DACH1: variants seen among roughly 807,000 people sequenced by gnomAD.
DACH1 encodes dachshund homolog 1.
A neutral mutation model predicts 54.2 loss-of-function variants in DACH1; 12 were observed. The observed-to-expected ratio is 0.22, with a 90% CI of 0.14 to 0.36. DACH1 has a LOEUF of 0.36. Ranked by LOEUF, DACH1 falls within the 10% of genes least tolerant of loss-of-function variation. DACH1 has a pLI of 1.00. For missense variants in DACH1, 805 were observed against 929.8 expected, an observed-to-expected ratio of 0.87 and a Z score of 1.75; for synonymous variants, 386 against 366.2, an observed-to-expected ratio of 1.05 and a Z score of -0.62.
At chr13:71,837,226 G>A (rs541183597) in intron 1 of DACH1, among the ~76,000 whole-genome samples, 2 of 152,154 alleles carry the variant, frequency 1.3e-5, no homozygotes, top group African/African-American at 4.8e-5. Flanking sequence ...TATGCATGGA[G>A]TAGTTTTACA....
intron 2 of DACH1, among the ~76,000 whole-genome samples, chr13:71,672,499 C>T (rs758652247): frequency 6.6e-6 from 1 of 152,056 alleles, no homozygotes; most frequent in Non-Finnish European, 1.5e-5. Context: ...GAAGTTCCAA[C>T]ATTTTATGGT....
intron 6 of DACH1, among the ~76,000 whole-genome samples, chr13:71,493,322 C>G (rs969310481): frequency 6.6e-6 from 1 of 152,008 alleles, no homozygotes; most frequent in Non-Finnish European, 1.5e-5. Flanking sequence ...GCCAACCTCA[C>G]GAGTTGGGTT....
intron 1 of DACH1, among the ~76,000 whole-genome samples, chr13:71,785,665 G>C (rs756060024): frequency 2.0e-5 from 3 of 152,156 alleles, no homozygotes; most frequent in Non-Finnish European, 4.4e-5. Flanking sequence ...ATTGCACAAA[G>C]CCTGAAAGGC....
chr13:71,516,851 A>G (rs1020711826), intron 6 of DACH1, among the ~76,000 whole-genome samples: 2 of 151,768 alleles, frequency 1.3e-5, no homozygotes, highest in Non-Finnish European at 2.9e-5. Context: ...AGTGCCCTAC[A>G]AACATTAACC....
chr13:71,840,009 C>T (rs1037984555), intron 1 of DACH1, among the ~76,000 whole-genome samples: 2 of 152,154 alleles, frequency 1.3e-5, no homozygotes, highest in African/African-American at 4.8e-5. Flanking sequence ...TGCAGTAGCA[C>T]GATCTTGGCT....
intron 6 of DACH1, among the ~76,000 whole-genome samples, chr13:71,500,447 A>G (rs918049939): frequency 3.3e-5 from 5 of 152,162 alleles, no homozygotes; most frequent in Non-Finnish European, 5.9e-5. Flanking sequence ...ACGATTCTCA[A>G]ATAATACCCC....
In DACH1 at chr13:71,813,201, T is replaced by G. The variant is rs1363432639; in HGVS notation, c.848+52721A>C. On this transcript the variant is annotated intron_variant, in intron 1 of 10. Coordinates refer to ENST00000613252, the MANE Select transcript of DACH1 (RefSeq NM_080759.6). ...GAACTTTAAAGTAACCCAAGTTTAC[T>G]ATTTTAGTAGTTAGAACTATTATTT... 2.0e-5 allele frequency among the ~76,000 whole-genome samples: 3 copies of G among 152,236 alleles called. No individual in the cohort carries two copies. The East Asian group carries it at 5.8e-4, about 29-fold the overall frequency.
At chr13:71,461,598 G>A (rs573292252) in intron 10 of DACH1, among the ~76,000 whole-genome samples, 9 of 152,010 alleles carry the variant, frequency 5.9e-5, no homozygotes, top group African/African-American at 2.2e-4. Context: ...GGGGTTGGCT[G>A]GCACTCATTA....
At position 71,786,872 on chromosome 13, in the gene DACH1, TA is replaced by T. The variant is rs1035810365; in HGVS notation, c.848+79049del. Among the ~76,000 whole-genome samples the T allele has an allele frequency of 8.2e-4, 125 of 151,678 alleles. 1 individual carries two copies. Among genetic ancestry groups the T allele is most frequent in the African/African-American group, 2.8e-3 (116 of 41,382 alleles). ...AATTGACAATACTTATTTAAACACT[TA>T]AAAAAAAATCTGATCCTTTTCTTCC... On this transcript the variant is annotated intron_variant, in intron 1 of 10. Coordinates refer to ENST00000613252, the MANE Select transcript of DACH1 (RefSeq NM_080759.6).
At chr13:71,645,122 C>T (rs1037153605) in intron 2 of DACH1, among the ~76,000 whole-genome samples, 4 of 152,118 alleles carry the variant, frequency 2.6e-5, no homozygotes, top group Admixed American at 6.6e-5. Flanking sequence ...TTAGAATCAA[C>T]GAGCAGGTTT....
intron 3 of DACH1, among the ~76,000 whole-genome samples, chr13:71,625,961 T>C (rs1160603319): frequency 6.6e-6 from 1 of 152,014 alleles, no homozygotes; most frequent in Non-Finnish European, 1.5e-5. Flanking sequence ...TGTTGATAGC[T>C]GTTTACCAGT....
At position 71,458,136 on chromosome 13, in the gene DACH1, T is replaced by C. The variant is rs139637437; in HGVS notation, c.2083+17005A>G. Reference sequence around the variant, plus strand: ...TTTTATTTCTTTATTCTCACCTATATGAATACCTTTTATGTAATGTGTATA... The same window carrying C: ...TTTTATTTCTTTATTCTCACCTATACGAATACCTTTTATGTAATGTGTATA... On this transcript the variant is annotated intron_variant, in intron 10 of 10. Transcript: ENST00000613252. 3.4e-4 allele frequency among the ~76,000 whole-genome samples: 52 copies of C among 152,014 alleles called. 1 individual carries two copies. The East Asian group carries it at 6.2e-3, about 18-fold the overall frequency.
chr13:71,475,736 C>A lies in DACH1; in HGVS notation c.1984G>T (p.Ala662Ser), dbSNP rs757882645. 1 of 1,613,326 alleles carries A rather than the reference C, an allele frequency of 6.2e-7. No individual in the cohort carries two copies. The highest frequency in any genetic ancestry group is 2.2e-5 in the East Asian group (1 of 44,824). The change falls in exon 9 of 11, where the codon GCT becomes TCT. Residue 662 changes from alanine to serine, a missense_variant. This residue lies in a region of DACH1 where 472 missense variants were observed against 545.3 expected (regional missense o/e 0.87). Transcript: ENST00000613252. Reference sequence around the variant, plus strand: ...AAGACCCTGAGACTATCTGTTGAAGCTGCCTGTTTTAGCGTCTGTTCTGCT... The same window carrying A: ...AAGACCCTGAGACTATCTGTTGAAGATGCCTGTTTTAGCGTCTGTTCTGCT... ...EQAEQTLKQAASTDSLRVLND... is the reference protein window; with the variant it reads ...EQAEQTLKQASSTDSLRVLND...
chr13:71,614,955 G>A (rs1449077903), intron 3 of DACH1, among the ~76,000 whole-genome samples: 1 of 146,148 alleles, frequency 6.8e-6, no homozygotes, highest in Non-Finnish European at 1.5e-5. Context: ...AGATAACTAA[G>A]TCTTCTGAAG....
chr13:71,683,464 T>C (rs918032003), intron 1 of DACH1, among the ~76,000 whole-genome samples: 1 of 152,070 alleles, frequency 6.6e-6, no homozygotes, highest in African/African-American at 2.4e-5. Context: ...AATGTATGGA[T>C]ATACAGGATT....
At chr13:71,769,690 A>C (rs1350827582) in intron 1 of DACH1, among the ~76,000 whole-genome samples, 1 of 151,738 alleles carries the variant, frequency 6.6e-6, no homozygotes, top group East Asian at 1.9e-4. Context: ...TTCTGTACTG[A>C]GAGTATAAAA....
chr13:71,584,084 T>C (rs1230399050), intron 3 of DACH1, among the ~76,000 whole-genome samples: 2 of 152,226 alleles, frequency 1.3e-5, no homozygotes, highest in Non-Finnish European at 2.9e-5. Flanking sequence ...GATCATCATA[T>C]ACAGATGCTC....
At chr13:71,696,251 A>G (rs1881826765) in intron 1 of DACH1, among the ~76,000 whole-genome samples, 1 of 152,176 alleles carries the variant, frequency 6.6e-6, no homozygotes, top group South Asian at 2.1e-4. Context: ...TCTAATAATA[A>G]CTGAATTTAC....
At chr13:71,844,877 C>T (rs1248557869) in intron 1 of DACH1, among the ~76,000 whole-genome samples, 1 of 152,104 alleles carries the variant, frequency 6.6e-6, no homozygotes, top group Non-Finnish European at 1.5e-5. Context: ...TTAAACACTA[C>T]TTGTTCTCAT....
Sources: gnomAD v4.1 joint callset for allele counts (sites outside exome capture counted in the v4.1 genomes callset) on GRCh38, gnomAD v4.1.1 for gene constraint, gnomAD v4.1.1 regional missense constraint, MANE v1.5 for transcripts, NCBI Gene and HGNC (gene_info 2026-07-23, HGNC 2026-07-21) for gene names.